ORC5: variants seen among roughly 807,000 people sequenced by gnomAD.
ORC5 encodes the protein origin recognition complex subunit 5.
A neutral mutation model predicts 58.8 loss-of-function variants in ORC5; 39 were observed. The observed-to-expected ratio is 0.66, with a 90% confidence interval of 0.51 to 0.87. The LOEUF is 0.87. ORC5 is among the 40% of genes least tolerant of loss of function. The pLI is 0.00. For missense variants in ORC5, 493 were observed against 506.3 expected (o/e 0.97, Z 0.25); for synonymous variants, 218 against 177.6 (o/e 1.23, Z -1.81).
chr7:104,201,412 T>C (rs1158588978), intron 2 of ORC5, among the ~76,000 whole-genome samples: 1 of 152,178 alleles, frequency 6.6e-6, no homozygotes, highest in Admixed American at 6.5e-5. Flanking sequence ...CCATAAAATT[T>C]CCATTATAAA....
At chr7:104,202,104 C>CA (rs11440920) in intron 2 of ORC5, among the ~76,000 whole-genome samples, 47,365 of 151,436 alleles carry the variant, frequency 0.31, 8,006 homozygotes, top group East Asian at 0.52. Flanking sequence ...CAAAACAAAA[C>CA]AAAAAAAACT....
intron 13 of ORC5, among the ~76,000 whole-genome samples, chr7:104,134,148 G>A (rs150593904): frequency 6.2e-4 from 94 of 152,190 alleles, no homozygotes; most frequent in African/African-American, 1.6e-3. Flanking sequence ...GAGGCTGGGC[G>A]CGGTGGCTCA....
Position 104,133,663 on chromosome 7 carries a change from G to T in ORC5, c.1262+3118C>A, listed in dbSNP as rs769634628. 2.0e-5 allele frequency among the ~76,000 whole-genome samples: 3 copies of T among 152,148 alleles called. No individual in the cohort carries two copies. Among genetic ancestry groups the T allele is most frequent in the Admixed American group, 6.5e-5 (1 of 15,282 alleles). ...TACACAGATGATTGTTGAAGTCACA[G>T]GTGTGGCTCAAGTTGCCTAGGGAAA... is the stretch of plus-strand genomic sequence containing the variant. On this transcript the variant is annotated intron_variant, in intron 13 of 13. Coordinates refer to ENST00000297431, the MANE Select transcript of ORC5 (RefSeq NM_002553.4). This position sits in a 1 kb window ranked among gnomAD's most constrained non-coding sequence, Gnocchi z 4.7.
chr7:104,151,655 G>A (rs1479266577), intron 12 of ORC5, among the ~76,000 whole-genome samples: 1 of 152,156 alleles, frequency 6.6e-6, no homozygotes, highest in African/African-American at 2.4e-5. Flanking sequence ...TTTGGTTTGG[G>A]GCACACCAGT....
chr7:104,160,532 C>T (rs1414440959), intron 12 of ORC5, among the ~76,000 whole-genome samples: 1 of 152,008 alleles, frequency 6.6e-6, no homozygotes, highest in Non-Finnish European at 1.5e-5. Context: ...AAAATGTCAA[C>T]TAAAAAACAA....
chr7:104,130,925 C>G (rs1389174414), intron 13 of ORC5, among the ~76,000 whole-genome samples: 1 of 152,218 alleles, frequency 6.6e-6, no homozygotes, highest in East Asian at 1.9e-4. Flanking sequence ...CATGATTCAT[C>G]AGGTCAAGTG....
At chr7:104,171,747 G>A (rs183140165) in intron 8 of ORC5, among the ~76,000 whole-genome samples, 272 of 152,184 alleles carry the variant, frequency 1.8e-3, no homozygotes, top group South Asian at 0.014. Flanking sequence ...CCAGCTACTC[G>A]GGAGGCTCAG....
chr7:104,190,931 C>A (rs1799660067), intron 5 of ORC5, among the ~76,000 whole-genome samples: 2 of 151,472 alleles, frequency 1.3e-5, no homozygotes, highest in East Asian at 1.9e-4. Context: ...GGTACAAGAT[C>A]AAAAAATATA....
chr7:104,182,585 C>T (rs1282134677), intron 8 of ORC5, among the ~76,000 whole-genome samples: 5 of 151,852 alleles, frequency 3.3e-5, no homozygotes, highest in Non-Finnish European at 7.4e-5. Flanking sequence ...AAGGAAATGT[C>T]GGTGTTACCG....
In ORC5 at chr7:104,133,885, CA is replaced by C. The variant is rs1443161184; in HGVS notation, c.1262+2895del. On this transcript the variant is annotated intron_variant, in intron 13 of 13. Coordinates refer to ENST00000297431, the MANE Select transcript of ORC5 (RefSeq NM_002553.4). The surrounding 1 kb of genome is among the most constrained non-coding windows in gnomAD (Gnocchi z 4.7). ...ACAGTGTCAGGTGCCACTGAGAGGACAAACAGCCGAGACTAACAAAGGTTCT... is the reference window on the plus strand; with the variant it reads ...ACAGTGTCAGGTGCCACTGAGAGGACAACAGCCGAGACTAACAAAGGTTCT... 2.0e-5 allele frequency among the ~76,000 whole-genome samples: 3 copies of C among 152,024 alleles called. No individual in the cohort carries two copies. Among genetic ancestry groups the C allele is most frequent in the African/African-American group, 7.3e-5 (3 of 41,378 alleles).
intron 1 of ORC5, among the ~76,000 whole-genome samples, chr7:104,207,359 G>A (rs979869722): frequency 1.3e-5 from 2 of 152,126 alleles, no homozygotes; most frequent in African/African-American, 4.8e-5. Context: ...TACAATTCTG[G>A]AAAAGCCAGT....
At chr7:104,200,357 T>G (rs1457682382) in intron 3 of ORC5, among the ~76,000 whole-genome samples, 3 of 152,216 alleles carry the variant, frequency 2.0e-5, no homozygotes, top group African/African-American at 7.2e-5. Context: ...ACTAGACTAT[T>G]TGGTACTCTC....
chr7:104,194,208 T>A (rs1330337586), intron 5 of ORC5, among the ~76,000 whole-genome samples: 1 of 151,826 alleles, frequency 6.6e-6, no homozygotes, highest in Non-Finnish European at 1.5e-5. Context: ...TCCATCTATT[T>A]TGGGTTGCTG....
chr7:104,134,825 C>A (rs1798564467), intron 13 of ORC5, among the ~76,000 whole-genome samples: 2 of 151,994 alleles, frequency 1.3e-5, no homozygotes, highest in African/African-American at 4.8e-5. Flanking sequence ...AAGGTAAAGT[C>A]AGCAGAAAAG....
rs200056525 is a variant in ORC5 at position 104,188,324 on chromosome 7, T to A, written c.611A>T (p.Tyr204Phe). 112 of 1,612,162 alleles carry A rather than the reference T, an allele frequency of 6.9e-5. 1 individual carries two copies. In the East Asian group the frequency reaches 2.5e-3, roughly 36 times the overall value. Residue 204 changes from tyrosine to phenylalanine, a missense_variant, in exon 6 of 14, where the codon TAT (tyrosine) becomes TTT (phenylalanine). Around this residue, in one of 3 missense-constraint regions of ORC5, gnomAD observed 412 missense variants for 403.7 expected, o/e 1.02. Transcript: ENST00000297431. ...DHPPEYSADF[Y>F]AAYINILLGV... The stretch of plus-strand genomic sequence containing the variant: ...AAGAAGAATGTTAATGTAGGCAGCA[T>A]AGAAATCAGCTGAATACTCTGGAGG...
At chr7:104,137,554 T>G (rs1798610002) in intron 12 of ORC5, among the ~76,000 whole-genome samples, 1 of 152,120 alleles carries the variant, frequency 6.6e-6, no homozygotes, top group African/African-American at 2.4e-5. Flanking sequence ...GCCCCCATCC[T>G]GTGCCTATAA....
intron 1 of ORC5, among the ~76,000 whole-genome samples, chr7:104,204,929 C>T (rs1163212273): frequency 1.3e-5 from 2 of 152,068 alleles, no homozygotes; most frequent in Non-Finnish European, 2.9e-5. Flanking sequence ...GTACTTCATT[C>T]CTTAAATGAA....
chr7:104,183,314 G>T (rs772226059), intron 8 of ORC5, among the ~76,000 whole-genome samples: 1 of 152,022 alleles, frequency 6.6e-6, no homozygotes, highest in Non-Finnish European at 1.5e-5. Flanking sequence ...CTGACTCCTA[G>T]CCACCATTCA....
At chr7:104,199,433 G>A (rs1262848363) in intron 3 of ORC5, among the ~76,000 whole-genome samples, 1 of 151,996 alleles carries the variant, frequency 6.6e-6, no homozygotes, top group Non-Finnish European at 1.5e-5. Context: ...GCATGAGGCT[G>A]TGGGAGCCCA....
Sources: gnomAD v4.1 joint callset for allele counts (sites outside exome capture counted in the v4.1 genomes callset) on GRCh38, gnomAD v4.1.1 for gene constraint, gnomAD v4.1.1 regional missense constraint, Gnocchi (gnomAD v3.1) non-coding constraint, MANE v1.5 for transcripts, NCBI Gene and HGNC (gene_info 2026-07-23, HGNC 2026-07-21) for gene names.